PKIG: variants seen among roughly 807,000 people sequenced by gnomAD.
PKIG encodes the protein protein kinase (cAMP-dependent, catalytic) inhibitor gamma.
PKIG carries 1 observed loss-of-function variant against 6.8 expected under a neutral mutation model. The ratio of observed to expected loss-of-function variants is 0.15; its 90% CI spans 0.05 to 0.69. PKIG has a LOEUF of 0.69. Among genes scored for constraint, PKIG ranks in the 30% least tolerant of loss-of-function variants. The pLI, the probability that PKIG is intolerant of heterozygous loss-of-function variation, is 0.82. For synonymous variants in PKIG, 39 were observed against 43.0 expected (o/e 0.91, Z 0.36); for missense variants, 77 against 104.0 (o/e 0.74, Z 1.13).
chr20:44,615,645 G>T (rs1054595984), intron 3 of PKIG, among the ~76,000 whole-genome samples: 1 of 152,102 alleles, frequency 6.6e-6, no homozygotes, highest in Non-Finnish European at 1.5e-5. Flanking sequence ...CACAGAGGCC[G>T]TGTGTGCTTC....
upstream of PKIG, among the ~76,000 whole-genome samples, chr20:44,579,710 C>A (rs1485397172): frequency 6.6e-6 from 1 of 152,162 alleles, no homozygotes; most frequent in African/African-American, 2.4e-5. Context: ...TTCTGTCTTC[C>A]GGGATTCTGT....
At chr20:44,591,039 C>G (rs1225979868) in intron 2 of PKIG, among the ~76,000 whole-genome samples, 1 of 152,206 alleles carries the variant, frequency 6.6e-6, no homozygotes, top group Non-Finnish European at 1.5e-5. Context: ...AAAAGTGGCA[C>G]AGTCCTTGCC....
At chr20:44,596,771 C>A (rs747878888) in intron 2 of PKIG, among the ~76,000 whole-genome samples, 1 of 152,160 alleles carries the variant, frequency 6.6e-6, no homozygotes, top group Non-Finnish European at 1.5e-5. Context: ...GACTCCCTTA[C>A]TGTCTGAAGG....
Position 44,608,697 on chromosome 20 carries a change from G to A in PKIG, c.-23-5837G>A, listed in dbSNP as rs116680864. Reference sequence around the variant, plus strand: ...ATGGAATAGTCCCAGCTACTCAGGAGGCTGAGGCAACAGGATTGCTTGAGC... The same window carrying A: ...ATGGAATAGTCCCAGCTACTCAGGAAGCTGAGGCAACAGGATTGCTTGAGC... On this transcript the variant is annotated intron_variant, in intron 2 of 3. Transcript: ENST00000372886. Among the ~76,000 whole-genome samples, 334 of 151,856 alleles carry A rather than the reference G, an allele frequency of 2.2e-3. 1 individual carries two copies. Among genetic ancestry groups the A allele is most frequent in the African/African-American group, 7.6e-3 (315 of 41,398 alleles).
chr20:44,599,203 A>G (rs2065099491), intron 2 of PKIG, among the ~76,000 whole-genome samples: 1 of 152,150 alleles, frequency 6.6e-6, no homozygotes, highest in Admixed American at 6.5e-5. Flanking sequence ...AGAAAAGGGA[A>G]TGGGTACTTT....
At chr20:44,600,189 G>A (rs2065109207) in intron 2 of PKIG, among the ~76,000 whole-genome samples, 1 of 152,204 alleles carries the variant, frequency 6.6e-6, no homozygotes, top group African/African-American at 2.4e-5. Flanking sequence ...GAGGCCCAGT[G>A]TGACCAGAGC....
At chr20:44,613,750 C>T (rs2065239705) in intron 2 of PKIG, among the ~76,000 whole-genome samples, 1 of 152,190 alleles carries the variant, frequency 6.6e-6, no homozygotes. Context: ...TAACTTGCCC[C>T]TTCCCAGCAC....
At chr20:44,550,193 T>C (rs940974529) in intron 1 of PKIG, among the ~76,000 whole-genome samples, 2 of 150,606 alleles carry the variant, frequency 1.3e-5, no homozygotes, top group African/African-American at 4.9e-5. Flanking sequence ...ACACAAGCGT[T>C]GTTAGATACA....
intron 2 of PKIG, among the ~76,000 whole-genome samples, chr20:44,602,520 T>C (rs2123432105): frequency 6.6e-6 from 1 of 152,258 alleles, no homozygotes; most frequent in South Asian, 2.1e-4. Context: ...ATTGAATGAA[T>C]AAATGAAATA....
chr20:44,558,428 G>C (rs1454173443), intron 1 of PKIG, among the ~76,000 whole-genome samples: 2 of 152,136 alleles, frequency 1.3e-5, no homozygotes, highest in East Asian at 1.9e-4. Flanking sequence ...TCCTGTGCTT[G>C]ACACTCTAAA....
intron 1 of PKIG, among the ~76,000 whole-genome samples, chr20:44,568,373 T>C (rs2064827098): frequency 6.6e-6 from 1 of 152,156 alleles, no homozygotes; most frequent in Non-Finnish European, 1.5e-5. Context: ...CATCCTGATA[T>C]GCTACTGATT....
intron 1 of PKIG, among the ~76,000 whole-genome samples, chr20:44,551,384 T>C (rs1266386006): frequency 6.6e-6 from 1 of 152,188 alleles, no homozygotes; most frequent in Non-Finnish European, 1.5e-5. Context: ...GTAAATGCAT[T>C]CTTGGAAAAT....
chr20:44,595,803 C>T (rs1056528051), intron 2 of PKIG, among the ~76,000 whole-genome samples: 2 of 152,152 alleles, frequency 1.3e-5, no homozygotes, highest in African/African-American at 2.4e-5. Flanking sequence ...TGAACCACTG[C>T]GCCTGGTGCC....
At chr20:44,594,565 G>C (rs1209277736) in intron 2 of PKIG, among the ~76,000 whole-genome samples, 3 of 152,236 alleles carry the variant, frequency 2.0e-5, no homozygotes, top group Non-Finnish European at 4.4e-5. Flanking sequence ...GAGGCTCAGA[G>C]ATGTTAAGTG....
chr20:44,579,949 A>G (rs1479376524), upstream of PKIG, among the ~76,000 whole-genome samples: 2 of 152,030 alleles, frequency 1.3e-5, no homozygotes, highest in Non-Finnish European at 2.9e-5. Flanking sequence ...AGTCCCTCCA[A>G]ACTGAGTGTT....
In PKIG at chr20:44,601,487, A is replaced by G. The variant is rs547507084; in HGVS notation, c.-24+11621A>G. On this transcript the variant is annotated intron_variant, in intron 2 of 3. Transcript: ENST00000372886. ...CTCCCTTTTCCCAGGTTCTTGGAAT[A>G]TTCTCATTTTGGGGCTCTGAGTTTT... Among the ~76,000 whole-genome samples the G allele has an allele frequency of 9.7e-4, 148 of 152,330 alleles. No homozygotes were observed. The South Asian group carries it at 0.029, about 30-fold the overall frequency.
chr20:44,561,655 G>A (rs1174249281), intron 1 of PKIG, among the ~76,000 whole-genome samples: 1 of 152,100 alleles, frequency 6.6e-6, no homozygotes, highest in African/African-American at 2.4e-5. Context: ...TGTCCAGGCT[G>A]AAGTGCAGTG....
chr20:44,536,599 T>G (rs1207553860), intron 1 of PKIG, among the ~76,000 whole-genome samples: 1 of 152,094 alleles, frequency 6.6e-6, no homozygotes, highest in African/African-American at 2.4e-5. Context: ...GGGCTTTGAC[T>G]AGGGGAGGAG....
chr20:44,613,648 G>C (rs2123475722), intron 2 of PKIG, among the ~76,000 whole-genome samples: 1 of 152,098 alleles, frequency 6.6e-6, no homozygotes, highest in East Asian at 1.9e-4. Flanking sequence ...ACTACTTCTT[G>C]TTGGTTCGAT....
Sources: gnomAD v4.1 joint callset for allele counts (sites outside exome capture counted in the v4.1 genomes callset) on GRCh38, gnomAD v4.1.1 for gene constraint, MANE v1.5 for transcripts, NCBI Gene and HGNC (gene_info 2026-07-23, HGNC 2026-07-21) for gene names.